PLGRKT: variants seen among roughly 807,000 people sequenced by gnomAD.
PLGRKT encodes plasminogen receptor (KT).
In PLGRKT, 22 loss-of-function variants were observed where a neutral mutation model predicts 18.5. That is an observed-to-expected ratio of 1.19 (90% confidence interval 0.85 to 1.70). The LOEUF is 1.70. PLGRKT is among the 40% of genes most tolerant of loss of function. The pLI is 0.00. For missense variants in PLGRKT, 235 were observed against 174.4 expected (o/e 1.35, Z -1.96); for synonymous variants, 72 against 52.8 (o/e 1.36, Z -1.58).
At chr9:5,409,199 C>A (rs1349260134) in intron 3 of PLGRKT, among the ~76,000 whole-genome samples, 1 of 152,176 alleles carries the variant, frequency 6.6e-6, no homozygotes, top group Non-Finnish European at 1.5e-5. Flanking sequence ...TTGAAGGATG[C>A]AAAGTATTAA....
chr9:5,399,996 A>C (rs1563779741), intron 3 of PLGRKT, among the ~76,000 whole-genome samples: 2 of 151,828 alleles, frequency 1.3e-5, no homozygotes, highest in African/African-American at 4.9e-5. Flanking sequence ...TCTCAAAAAA[A>C]ATAAATGAAA....
At chr9:5,404,173 T>G (rs980947224) in intron 3 of PLGRKT, among the ~76,000 whole-genome samples, 1 of 152,220 alleles carries the variant, frequency 6.6e-6, no homozygotes, top group Middle Eastern at 3.4e-3. Context: ...CTGATGGATT[T>G]ACAGCTGAAT....
chr9:5,370,849 CT>C (rs2131074829), intron 3 of PLGRKT, among the ~76,000 whole-genome samples: 1 of 152,292 alleles, frequency 6.6e-6, no homozygotes, highest in African/African-American at 2.4e-5. Flanking sequence ...TTAACCTTAA[CT>C]TGCTTGACGG....
At chr9:5,396,815 A>T (rs949237474) in intron 3 of PLGRKT, among the ~76,000 whole-genome samples, 18 of 152,014 alleles carry the variant, frequency 1.2e-4, no homozygotes, top group Non-Finnish European at 2.4e-4. Context: ...AATGTAACAG[A>T]TGGAAGCCAG....
At position 5,418,057 on chromosome 9, in the gene PLGRKT, G is replaced by A. The variant is rs1368557538; in HGVS notation, c.81+13840C>T. Reference sequence around the variant, plus strand: ...ACTTGTGGAGTTTAACGTCTAAGTAGAATATGTCTATCTCGTAACGTGATT... The same window carrying A: ...ACTTGTGGAGTTTAACGTCTAAGTAAAATATGTCTATCTCGTAACGTGATT... On this transcript the variant is annotated intron_variant, in intron 3 of 5. Coordinates refer to ENST00000223864, the MANE Select transcript of PLGRKT (RefSeq NM_018465.4). This position sits in a 1 kb window ranked among gnomAD's most constrained non-coding sequence, Gnocchi z 4.2. Among the ~76,000 whole-genome samples, 1 of 152,192 alleles carries A rather than the reference G, an allele frequency of 6.6e-6. No homozygotes were observed. The highest frequency in any genetic ancestry group is 1.5e-5 in the Non-Finnish European group (1 of 68,030).
At chr9:5,389,490 T>C (rs1817906674) in intron 3 of PLGRKT, among the ~76,000 whole-genome samples, 1 of 151,900 alleles carries the variant, frequency 6.6e-6, no homozygotes, top group South Asian at 2.1e-4. Flanking sequence ...TGCCATGTGC[T>C]TTGAGGGGAT....
At chr9:5,407,173 T>A (rs1818273554) in intron 3 of PLGRKT, among the ~76,000 whole-genome samples, 1 of 152,170 alleles carries the variant, frequency 6.6e-6, no homozygotes, top group South Asian at 2.1e-4. Context: ...TGATTGACAA[T>A]CAAATGAATG....
intron 5 of PLGRKT, among the ~76,000 whole-genome samples, chr9:5,359,782 T>A (rs1210123814): frequency 6.6e-6 from 1 of 152,188 alleles, no homozygotes; most frequent in African/African-American, 2.4e-5. Flanking sequence ...TCCAGGGCAA[T>A]AAAAATCAGG....
chr9:5,411,541 G>T (rs10975102), intron 3 of PLGRKT, among the ~76,000 whole-genome samples: 1 of 152,292 alleles, frequency 6.6e-6, no homozygotes, highest in East Asian at 1.9e-4. Context: ...TACTGAACCA[G>T]TAAGTGATAG....
Position 5,363,552 on chromosome 9 carries a change from T to C in PLGRKT, c.82-1664A>G, listed in dbSNP as rs150758937. On this transcript the variant is annotated intron_variant, in intron 3 of 5. Transcript: ENST00000223864. ...CTGAGGGAGACGGAAGTGGCCTCTC[T>C]TAGGCATGCTCTCTGTGAGGTCTGC... is the stretch of plus-strand genomic sequence containing the variant. 6.3e-3 allele frequency among the ~76,000 whole-genome samples: 958 copies of C among 152,258 alleles called. 12 individuals carry two copies. The highest frequency in any genetic ancestry group is 9.0e-3 in the Non-Finnish European group (609 of 68,012).
At position 5,419,244 on chromosome 9, in the gene PLGRKT, G is replaced by A. The variant is rs540321413; in HGVS notation, c.81+12653C>T. 4.6e-5 allele frequency among the ~76,000 whole-genome samples: 7 copies of A among 152,336 alleles called. No homozygotes were observed. In the East Asian group the frequency reaches 1.2e-3, roughly 25 times the overall value. On this transcript the variant is annotated intron_variant, in intron 3 of 5. Transcript: ENST00000223864. ...AAGACCATGGCTTCTGGAAACAGTGGTTCCCAAGGAAAACATTGCAATATG... is the reference window on the plus strand; with the variant it reads ...AAGACCATGGCTTCTGGAAACAGTGATTCCCAAGGAAAACATTGCAATATG...
intron 3 of PLGRKT, among the ~76,000 whole-genome samples, chr9:5,422,034 T>C (rs1304248680): frequency 1.4e-5 from 2 of 148,136 alleles, no homozygotes; most frequent in African/African-American, 2.7e-5. Flanking sequence ...ATTTATTTTG[T>C]TTCCTGTACA....
chr9:5,366,310 G>A (rs941753444), intron 3 of PLGRKT, among the ~76,000 whole-genome samples: 3 of 152,098 alleles, frequency 2.0e-5, no homozygotes, highest in African/African-American at 7.2e-5. Flanking sequence ...AACAGAACAT[G>A]TGCAGCAAGT....
rs185567539 is a variant in PLGRKT, at chr9:5,376,339, C to A, written c.82-14451G>T. Among the ~76,000 whole-genome samples, 251 of 152,314 alleles carry A rather than the reference C, an allele frequency of 1.6e-3. 1 individual carries two copies. Among genetic ancestry groups the A allele is most frequent in the South Asian group, 6.0e-3 (29 of 4,830 alleles). On this transcript the variant is annotated intron_variant, in intron 3 of 5. Transcript: ENST00000223864. ...AAGGGGCCACGTCTGGGCCTTGCAA[C>A]CAGACTGTCTGCATTTGCATCCTGC...
intron 3 of PLGRKT, among the ~76,000 whole-genome samples, chr9:5,390,078 G>A (rs1010804712): frequency 6.6e-6 from 1 of 151,696 alleles, no homozygotes; most frequent in Non-Finnish European, 1.5e-5. Context: ...AACCAATGCA[G>A]GCCATCTAGA....
intron 3 of PLGRKT, among the ~76,000 whole-genome samples, chr9:5,413,505 G>A (rs550888833): frequency 6.6e-5 from 10 of 152,278 alleles, no homozygotes; most frequent in Middle Eastern, 3.4e-3. Flanking sequence ...AAAGATGGAG[G>A]CAAGAGAGTC....
chr9:5,358,336 G>A lies in PLGRKT; in HGVS notation c.347C>T (p.Thr116Ile). The A allele has an allele frequency of 1.2e-6, 2 of 1,612,408 alleles. No individual in the cohort carries two copies. Among genetic ancestry groups the A allele is most frequent in the Non-Finnish European group, 1.7e-6 (2 of 1,178,812 alleles). ...MKGEAEDILE[T>I]EKSKLQLPRG... Reference sequence around the variant, plus strand: ...TGGCAGCTGCAATTTACTCTTTTCTGTTTCCAGTATGTCCTCAGCTTCACC... The same window carrying A: ...TGGCAGCTGCAATTTACTCTTTTCTATTTCCAGTATGTCCTCAGCTTCACC... The change falls in exon 6 of 6, where the codon ACA becomes ATA. Residue 116 changes from threonine to isoleucine, a missense_variant. Physicochemically the swap from Thr to Ile is moderately conservative, Grantham distance 89. Transcript: ENST00000223864.
intron 3 of PLGRKT, among the ~76,000 whole-genome samples, chr9:5,364,052 G>A (rs1397827179): frequency 6.6e-6 from 1 of 152,102 alleles, no homozygotes; most frequent in Non-Finnish European, 1.5e-5. Context: ...TTATCAAAAG[G>A]CAGCAAACAA....
At position 5,358,349 on chromosome 9, in the gene PLGRKT, C is replaced by A. The variant is rs1357105502; in HGVS notation, c.334G>T (p.Asp112Tyr). 6.2e-7 allele frequency: 1 copy of A among 1,612,728 alleles called. No homozygotes were observed. Reference protein sequence around the residue: ...LLERMKGEAEDILETEKSKLQ... With the variant: ...LLERMKGEAEYILETEKSKLQ... Reference sequence around the variant, plus strand: ...TTACTCTTTTCTGTTTCCAGTATGTCCTCAGCTTCACCTTAAATAAAGTAC... The same window carrying A: ...TTACTCTTTTCTGTTTCCAGTATGTACTCAGCTTCACCTTAAATAAAGTAC... Residue 112 changes from aspartate to tyrosine, a missense_variant, in exon 6 of 6, where the codon GAC becomes TAC. Coordinates refer to ENST00000223864, the MANE Select transcript of PLGRKT (RefSeq NM_018465.4).
Sources: gnomAD v4.1 joint callset for allele counts (sites outside exome capture counted in the v4.1 genomes callset) on GRCh38, gnomAD v4.1.1 for gene constraint, Gnocchi (gnomAD v3.1) non-coding constraint, MANE v1.5 for transcripts, NCBI Gene and HGNC (gene_info 2026-07-23, HGNC 2026-07-21) for gene names.